The following DSTYK variants were observed in gnomAD, a reference collection of about 807,000 sequenced individuals.
The protein encoded by DSTYK is RIP-homologous kinase.
A neutral mutation model predicts 98.7 loss-of-function variants in DSTYK; 34 were observed. The observed-to-expected ratio is 0.34, with a 90% CI of 0.26 to 0.46. The LOEUF (loss-of-function observed/expected upper bound fraction) is 0.46. Among genes scored for constraint, DSTYK ranks in the 20% least tolerant of loss-of-function variants. The probability of loss-of-function intolerance (pLI) is 1.00; values close to 1 mark genes in which losing one functional copy is unlikely to be tolerated. For synonymous variants in DSTYK, 462 were observed against 457.3 expected (o/e 1.01, Z -0.13); for missense variants, 962 against 1,181.7 (o/e 0.81, Z 2.73).
intron 3 of DSTYK, among the ~76,000 whole-genome samples, chr1:205,166,580 G>A (rs550683272): frequency 2.0e-5 from 3 of 152,170 alleles, no homozygotes; most frequent in South Asian, 2.1e-4. Flanking sequence ...AAGAACAATC[G>A]GATACTTTAC....
chr1:205,191,229 C>T (rs1477024781), intron 1 of DSTYK, among the ~76,000 whole-genome samples: 2 of 152,342 alleles, frequency 1.3e-5, no homozygotes, highest in African/African-American at 4.8e-5. Flanking sequence ...ATGTCACTAT[C>T]CAAGCTCTTT....
At chr1:205,157,795 C>T (rs1215510604) in intron 9 of DSTYK, among the ~76,000 whole-genome samples, 1 of 149,964 alleles carries the variant, frequency 6.7e-6, no homozygotes, top group Non-Finnish European at 1.5e-5. Flanking sequence ...GGAGAAAAAG[C>T]AGTTAGGAGA....
At chr1:205,172,153 C>T (rs1190795019) in intron 2 of DSTYK, among the ~76,000 whole-genome samples, 1 of 152,106 alleles carries the variant, frequency 6.6e-6, no homozygotes, top group Non-Finnish European at 1.5e-5. Context: ...GATGGGGTTT[C>T]ACCATGTTGG....
In DSTYK at chr1:205,163,784, A is replaced by G; in HGVS notation, c.1496T>C (p.Leu499Pro). 1 of 1,614,162 alleles carries G rather than the reference A, an allele frequency of 6.2e-7. No individual in the cohort carries two copies. The highest frequency in any genetic ancestry group is 8.5e-7 in the Non-Finnish European group (1 of 1,180,014). ...ESFVGTLERC[L>P]QSLEKSQDVS... ...ATCCTGAGACTTCTCCAGGCTCTGC[A>G]GACATCGTTCCAGGGTTCCGACGAA... Residue 499 changes from leucine (L) to proline (P), a missense_variant, in exon 4 of 13, where the codon CTG becomes CCG. Physicochemically the swap from Leu to Pro is moderately conservative, Grantham distance 98. Coordinates refer to ENST00000367162, the MANE Select transcript of DSTYK (RefSeq NM_015375.3).
intron 3 of DSTYK, among the ~76,000 whole-genome samples, chr1:205,165,584 C>T (rs892261881): frequency 2.0e-5 from 3 of 152,144 alleles, no homozygotes; most frequent in Admixed American, 6.6e-5. Flanking sequence ...CTGGTGGAAA[C>T]TTAAATGGGT....
Position 205,150,581 on chromosome 1 carries a change from G to T in DSTYK, c.2467+99C>A. ...TCTGGTTTCTCCCTTGCCTGTGCCA[G>T]ACCTGCCAGTAGTGATTGTGGAAAC... On this transcript the variant is annotated intron_variant, in intron 11 of 12. Coordinates refer to ENST00000367162, the MANE Select transcript of DSTYK (RefSeq NM_015375.3). This position sits in a 1 kb window ranked among gnomAD's most constrained non-coding sequence, Gnocchi z 4.1. 1 of 954,192 alleles carries T rather than the reference G, an allele frequency of 1.0e-6. No individual in the cohort carries two copies. Among genetic ancestry groups the T allele is most frequent in the East Asian group, 2.4e-5 (1 of 40,882 alleles). 59.1% of individuals were successfully genotyped at this position (954,192 alleles called of 1,614,324 possible). A position where few individuals can be genotyped will look rare whatever the true frequency, so the allele number is the denominator to read the frequency against.
At chr1:205,202,041 C>T in intron 1 of DSTYK, 1 of 350,766 alleles carries the variant, frequency 2.9e-6, no homozygotes, top group South Asian at 2.1e-5. Flanking sequence ...GCCTGGGCAT[C>T]AGGAAAGGAA....
chr1:205,147,446 AC>A lies in DSTYK; in HGVS notation c.*111del. 8.2e-7 allele frequency: 1 copy of A among 1,223,198 alleles called. No individual in the cohort carries two copies. The allele number at this position is 1,223,198 out of a possible 1,614,324, so 75.8% of individuals were successfully genotyped here. A position where few individuals can be genotyped will look rare whatever the true frequency, so the allele number is the denominator to read the frequency against. On this transcript the variant is annotated 3_prime_UTR_variant, in exon 13 of 13. Coordinates refer to ENST00000367162, the MANE Select transcript of DSTYK (RefSeq NM_015375.3). ...GAAGGTTCCAAGTTTCCCAGCAAGC[AC>A]CAGTTCCCTTGGGAGTGTGTCCTAT...
intron 2 of DSTYK, among the ~76,000 whole-genome samples, chr1:205,178,094 G>A (rs1038226877): frequency 6.6e-6 from 1 of 152,072 alleles, no homozygotes; most frequent in African/African-American, 2.4e-5. Context: ...ACTCAGGCCA[G>A]ATATAAGACT....
chr1:205,209,614 CA>C (rs1187397137), intron 1 of DSTYK, among the ~76,000 whole-genome samples: 16 of 151,750 alleles, frequency 1.1e-4, no homozygotes, highest in East Asian at 5.8e-4. Flanking sequence ...TACCTTGTAA[CA>C]TAAAAGGAGG....
At chr1:205,206,260 C>CTGGTTTTTTT (rs1659194274) in intron 1 of DSTYK, among the ~76,000 whole-genome samples, 1 of 151,562 alleles carries the variant, frequency 6.6e-6, no homozygotes, top group South Asian at 2.1e-4. Flanking sequence ...TTAGCAGGCA[C>CTGGTTTTTTT]TGGTTTTTTT....
chr1:205,142,957 T>C lies in DSTYK; in HGVS notation c.*4601A>G, dbSNP rs746645878. On this transcript the variant is annotated 3_prime_UTR_variant, in exon 13 of 13. Coordinates refer to ENST00000367162, the MANE Select transcript of DSTYK (RefSeq NM_015375.3). ...TGATGCACCTCTGAGATCACCTCAATTGGACTGGATGTTAACAAAACAGAT... is the reference window on the plus strand; with the variant it reads ...TGATGCACCTCTGAGATCACCTCAACTGGACTGGATGTTAACAAAACAGAT... 2.6e-5 allele frequency: 4 copies of C among 152,116 alleles called. No homozygotes were observed. The highest frequency in any genetic ancestry group is 4.4e-5 in the Non-Finnish European group (3 of 68,024). The allele number at this position is 152,116 out of a possible 1,614,324, so 9.4% of individuals were successfully genotyped here.
intron 2 of DSTYK, among the ~76,000 whole-genome samples, chr1:205,174,201 A>G (rs535283237): frequency 6.6e-6 from 1 of 152,136 alleles, no homozygotes; most frequent in East Asian, 2.0e-4. Context: ...CAACATGGCC[A>G]AAACCAGTCT....
chr1:205,173,390 C>CAAAAAAAAAAAAAAAAAA (rs570805658), intron 2 of DSTYK: 13 of 82,564 alleles, frequency 1.6e-4, no homozygotes, highest in East Asian at 3.3e-4. Flanking sequence ...GAGACTGTCT[C>CAAAAAAAAAAAAAAAAAA]AAAAAAAAAA....
At position 205,162,067 on chromosome 1, in the gene DSTYK, G is replaced by C. The variant is rs1164595430; in HGVS notation, c.1787C>G (p.Ser596Cys). The change falls in exon 6 of 13, where the codon TCC (serine) becomes TGC (cysteine). Residue 596 changes from serine to cysteine, a missense_variant. Physicochemically the swap from Ser to Cys is moderately radical, Grantham distance 112 (BLOSUM62 -1). Transcript: ENST00000367162. ...CAAGGAGGCTGCAAAAGCCTCGTGG[G>C]AACTATTGAGCCGAGTCCGGAATTG... ...CSQFRTRLNS[S>C]HEAFAASLRQ... The C allele has an allele frequency of 3.7e-6, 6 of 1,613,998 alleles. No individual in the cohort carries two copies. Among genetic ancestry groups the C allele is most frequent in the Admixed American group, 3.3e-5 (2 of 59,998 alleles).
intron 10 of DSTYK, among the ~76,000 whole-genome samples, chr1:205,154,609 CA>C (rs565101403): frequency 3.9e-5 from 6 of 152,094 alleles, no homozygotes; most frequent in Non-Finnish European, 7.4e-5. Flanking sequence ...TGGACTAACA[CA>C]GTAAATTGTA....
At position 205,211,613 on chromosome 1, in the gene DSTYK, G is replaced by T. The variant is rs1269501298; in HGVS notation, c.-78C>A. On this transcript the variant is annotated 5_prime_UTR_variant, in exon 1 of 13. Coordinates refer to ENST00000367162, the MANE Select transcript of DSTYK (RefSeq NM_015375.3). ...TCCCTCCTCCCCGCCCCCCAGTGCC[G>T]AAGGGAGGAGGAATCCGCCTCCTGA... 11 of 1,402,588 alleles carry T rather than the reference G, an allele frequency of 7.8e-6. No homozygotes were observed. The Admixed American group carries it at 3.2e-4, about 41-fold the overall frequency. 86.9% of individuals were successfully genotyped at this position (1,402,588 alleles called of 1,614,324 possible). A position where few individuals can be genotyped will look rare whatever the true frequency, so the allele number is the denominator to read the frequency against.
chr1:205,165,022 T>C (rs60122600), intron 3 of DSTYK, among the ~76,000 whole-genome samples: 13 of 152,296 alleles, frequency 8.5e-5, no homozygotes, highest in African/African-American at 3.1e-4. Flanking sequence ...CCTATGATCT[T>C]TGCAAAATTT....
In DSTYK at chr1:205,150,855, T is replaced by TGCAGG; in HGVS notation, c.2353-62_2353-61insCCTGC. ...TGATCCTGCACACAGCACTGCTGCGTACCTAAGCTCAAAGGTAGGTACCTC... is the reference window on the plus strand; with the variant it reads ...TGATCCTGCACACAGCACTGCTGCGTGCAGGACCTAAGCTCAAAGGTAGGTACCTC... On this transcript the variant is annotated intron_variant, in intron 10 of 12. Coordinates refer to ENST00000367162, the MANE Select transcript of DSTYK (RefSeq NM_015375.3). This position sits in a 1 kb window ranked among gnomAD's most constrained non-coding sequence, Gnocchi z 4.1. 7.6e-7 allele frequency: 1 copy of TGCAGG among 1,321,270 alleles called. No homozygotes were observed. Among genetic ancestry groups the TGCAGG allele is most frequent in the Non-Finnish European group, 1.1e-6 (1 of 916,638 alleles). The allele number at this position is 1,321,270 out of a possible 1,614,324, so 81.8% of individuals were successfully genotyped here. A position where few individuals can be genotyped will look rare whatever the true frequency, so the allele number is the denominator to read the frequency against.
Sources: allele counts gnomAD v4.1 joint callset (sites outside exome capture counted in the v4.1 genomes callset), GRCh38; gene constraint gnomAD v4.1.1; non-coding constraint Gnocchi (gnomAD v3.1); transcripts MANE v1.5; gene names NCBI Gene and HGNC (gene_info 2026-07-23, HGNC 2026-07-21).